FRMPD4: variants seen among roughly 807,000 people sequenced by gnomAD.
FRMPD4 encodes FERM and PDZ domain containing 4.
A neutral mutation model predicts 94.1 loss-of-function variants in FRMPD4; 22 were observed. The observed-to-expected ratio is 0.23, with a 90% confidence interval of 0.17 to 0.33. FRMPD4 has a LOEUF of 0.33. FRMPD4 is among the 10% of genes least tolerant of loss of function. The pLI is 1.00. For missense variants in FRMPD4, 1,111 were observed against 1,339.9 expected (o/e 0.83, Z 2.67); for synonymous variants, 631 against 548.6 (o/e 1.15, Z -2.10).
intron 4 of FRMPD4, among the ~76,000 whole-genome samples, chrX:12,648,605 G>A (rs1256940719): frequency 1.8e-5 from 2 of 112,212 alleles, no homozygotes; most frequent in Non-Finnish European, 3.8e-5. Context: ...CTACCAAATA[G>A]AGAAAGTGAT....
In FRMPD4 at chrX:12,138,975, G is replaced by C. The variant is rs1392712062; in HGVS notation, c.4G>C (p.Asp2His). 8.6e-7 allele frequency: 1 copy of C among 1,165,202 alleles called. No homozygotes were observed. Among genetic ancestry groups the C allele is most frequent in the Non-Finnish European group, 1.1e-6 (1 of 871,599 alleles). M[D>H]VFSFVKIAKL... ...TCGGGGGTCCCCAGCTGCCTGCATG[G>C]ATGTCTTCAGCTTTGTGAAGATTGC... Residue 2 changes from aspartate (D) to histidine (H), a missense_variant, in exon 1 of 17, where the codon GAT becomes CAT. Asp to His is a moderately conservative substitution (Grantham distance 81). Transcript: ENST00000675598.
chrX:12,680,704 G>A (rs915340890), intron 5 of FRMPD4, among the ~76,000 whole-genome samples: 1 of 111,896 alleles, frequency 8.9e-6, no homozygotes, highest in African/African-American at 3.2e-5. Flanking sequence ...TGGCTATTTA[G>A]TTTCCTTTCT....
chrX:12,671,113 T>C (rs955156719), intron 4 of FRMPD4, among the ~76,000 whole-genome samples: 5 of 111,712 alleles, frequency 4.5e-5, no homozygotes, highest in Non-Finnish European at 9.4e-5. Context: ...TGTGGAGAAA[T>C]AGGAATGCTT....
intron 3 of FRMPD4, among the ~76,000 whole-genome samples, chrX:11,951,626 A>G (rs1041949737): frequency 1.8e-5 from 2 of 112,050 alleles, no homozygotes; most frequent in Non-Finnish European, 3.8e-5. Flanking sequence ...AGGAGCAGGA[A>G]AAATAACTAA....
At position 12,288,621 on chromosome X, in the gene FRMPD4, T is replaced by C. The variant is rs754511780; in HGVS notation, c.41+149609T>C. ...CAAATTCATCTTATCATTTCAATTG[T>C]GTACAGAATTTCCCTGCCTTTTTTC... On this transcript the variant is annotated intron_variant, in intron 1 of 16. Transcript: ENST00000675598. 4.9e-3 allele frequency among the ~76,000 whole-genome samples: 548 copies of C among 111,907 alleles called. 1 individual carries two copies. The highest frequency in any genetic ancestry group is 0.023 in the Middle Eastern group (5 of 216).
intron 4 of FRMPD4, among the ~76,000 whole-genome samples, chrX:12,659,677 AT>A (rs752709003): frequency 4.4e-5 from 5 of 112,948 alleles, no homozygotes; most frequent in African/African-American, 9.6e-5. Context: ...CTCAATAAAT[AT>A]TTGCTGAAGG....
Position 12,262,752 on chromosome X carries a change from G to A in FRMPD4, c.41+123740G>A, listed in dbSNP as rs190456982. On this transcript the variant is annotated intron_variant, in intron 1 of 16. Transcript: ENST00000675598. ...TGAGGAAGTGAGTTATTCTGGCCGG[G>A]CCCATTTGTGTATCTCTAAAAAGGA... Among the ~76,000 whole-genome samples the A allele has an allele frequency of 9.0e-5, 10 of 111,628 alleles. No individual in the cohort carries two copies. The East Asian group carries it at 2.5e-3, about 28-fold the overall frequency.
At chrX:12,639,487 CT>C (rs2059473818) in intron 4 of FRMPD4, among the ~76,000 whole-genome samples, 1 of 111,793 alleles carries the variant, frequency 8.9e-6, no homozygotes, top group Non-Finnish European at 1.9e-5. Flanking sequence ...GAAAGCAAAA[CT>C]TTTTTCCCCT....
intron 1 of FRMPD4, among the ~76,000 whole-genome samples, chrX:12,235,274 C>T (rs1601724595): frequency 9.0e-6 from 1 of 111,099 alleles, no homozygotes; most frequent in East Asian, 2.8e-4. Context: ...TAATGTGTGC[C>T]GACCTCAAGG....
chrX:12,677,703 A>G (rs1161915480), intron 5 of FRMPD4, among the ~76,000 whole-genome samples: 1 of 111,785 alleles, frequency 8.9e-6, no homozygotes, highest in Non-Finnish European at 1.9e-5. Flanking sequence ...GTAAAGATAG[A>G]GAGCCAATGT....
intron 3 of FRMPD4, among the ~76,000 whole-genome samples, chrX:12,030,995 A>T (rs1291765203): frequency 8.9e-6 from 1 of 112,319 alleles, no homozygotes; most frequent in African/African-American, 3.2e-5. Context: ...TAATGAACAC[A>T]TGTAACAAAT....
chrX:11,872,080 C>T (rs1351500171), intron 2 of FRMPD4, among the ~76,000 whole-genome samples: 1 of 111,808 alleles, frequency 8.9e-6, no homozygotes, highest in Non-Finnish European at 1.9e-5. Flanking sequence ...ATATGGTGCC[C>T]AATGAAAAAT....
At chrX:12,456,802 T>G (rs1297315566) in intron 1 of FRMPD4, among the ~76,000 whole-genome samples, 3 of 113,037 alleles carry the variant, frequency 2.7e-5, no homozygotes, top group Non-Finnish European at 5.6e-5. Flanking sequence ...ATGTTTAATT[T>G]ATGCTTCAGA....
rs759478454 is a variant in FRMPD4, at chrX:12,395,156, T to C, written c.42-103524T>C. 2.7e-5 allele frequency among the ~76,000 whole-genome samples: 3 copies of C among 112,237 alleles called. No individual in the cohort carries two copies. The South Asian group carries it at 1.1e-3, about 42-fold the overall frequency. On this transcript the variant is annotated intron_variant, in intron 1 of 16. Transcript: ENST00000675598. ...CTCCAACTGCTTGTATGAGGCATAA[T>C]GTAGAATTGGTTAAGCTCTGTTCAC...
chrX:11,922,028 T>A (rs1300662879), intron 3 of FRMPD4, among the ~76,000 whole-genome samples: 2 of 111,669 alleles, frequency 1.8e-5, no homozygotes, highest in Admixed American at 1.9e-4. Context: ...GGCCTAGAAA[T>A]GGGGTATATC....
At chrX:12,324,675 G>A (rs993098574) in intron 1 of FRMPD4, among the ~76,000 whole-genome samples, 5 of 111,795 alleles carry the variant, frequency 4.5e-5, no homozygotes, top group Non-Finnish European at 9.4e-5. Flanking sequence ...CAAGTGCCTA[G>A]ATTCTTTCAC....
intron 1 of FRMPD4, among the ~76,000 whole-genome samples, chrX:12,221,185 G>A (rs1480042470): frequency 8.9e-6 from 1 of 112,001 alleles, no homozygotes; most frequent in African/African-American, 3.2e-5. Flanking sequence ...ACACTTCTCT[G>A]TTGATATTTC....
chrX:12,365,964 A>C (rs1355134494), intron 1 of FRMPD4, among the ~76,000 whole-genome samples: 2 of 112,362 alleles, frequency 1.8e-5, no homozygotes, highest in African/African-American at 6.5e-5. Flanking sequence ...CACTGGAGAG[A>C]GATGAATAAG....
intron 2 of FRMPD4, among the ~76,000 whole-genome samples, chrX:12,522,787 G>C (rs767845642): frequency 9.1e-6 from 1 of 110,130 alleles, no homozygotes; most frequent in South Asian, 4.0e-4. Context: ...ATTTTTAGTA[G>C]AGAAGGGGTT....
Sources: allele counts gnomAD v4.1 joint callset (sites outside exome capture counted in the v4.1 genomes callset), GRCh38; gene constraint gnomAD v4.1.1; transcripts MANE v1.5; gene names NCBI Gene and HGNC (gene_info 2026-07-23, HGNC 2026-07-21).